AGBL1: variants seen among roughly 807,000 people sequenced by gnomAD.
The protein encoded by AGBL1 is cytosolic carboxypeptidase 4.
A neutral mutation model predicts 118.9 loss-of-function variants in AGBL1; 130 were observed. The observed-to-expected ratio is 1.09, with a 90% CI of 0.95 to 1.26. The LOEUF (loss-of-function observed/expected upper bound fraction) is 1.26. Among genes scored for constraint, AGBL1 ranks in the 50% most tolerant of loss-of-function variants. The pLI is 0.00. For synonymous variants in AGBL1, 555 were observed against 478.9 expected (o/e 1.16, Z -2.08); for missense variants, 1,584 against 1,298.1 (o/e 1.22, Z -3.38).
chr15:86,872,985 A>G (rs969640246), intron 22 of AGBL1, among the ~76,000 whole-genome samples: 1 of 152,196 alleles, frequency 6.6e-6, no homozygotes, highest in Admixed American at 6.5e-5. Context: ...TGTCTACCAG[A>G]CAAGTCATTT....
chr15:86,117,293 G>C (rs1345599407), intron 1 of AGBL1, among the ~76,000 whole-genome samples: 1 of 152,060 alleles, frequency 6.6e-6, no homozygotes, highest in Non-Finnish European at 1.5e-5. Context: ...GGGAGAAACC[G>C]GCAGTCTGCT....
chr15:86,132,695 A>G (rs998883913), intron 1 of AGBL1, among the ~76,000 whole-genome samples: 1 of 152,200 alleles, frequency 6.6e-6, no homozygotes, highest in Non-Finnish European at 1.5e-5. Context: ...CATTATTATG[A>G]TGACCGGAGA....
chr15:86,708,892 A>G (rs1331443674), intron 22 of AGBL1, among the ~76,000 whole-genome samples: 1 of 152,106 alleles, frequency 6.6e-6, no homozygotes, highest in Non-Finnish European at 1.5e-5. Context: ...GTCCTAAATC[A>G]TCCATTTTGT....
At chr15:86,636,715 A>G (rs2142453953) in intron 21 of AGBL1, among the ~76,000 whole-genome samples, 1 of 21,570 alleles carries the variant, frequency 4.6e-5, no homozygotes, top group East Asian at 5.1e-3. Flanking sequence ...ATATATATAT[A>G]TATATATATA....
chr15:86,462,039 A>G (rs715922), intron 18 of AGBL1, among the ~76,000 whole-genome samples: 1 of 152,020 alleles, frequency 6.6e-6, no homozygotes, highest in African/African-American at 2.4e-5. Flanking sequence ...CTTACAAACT[A>G]TGAGTAGCTT....
chr15:86,100,716 G>A (rs969426715), intron 1 of AGBL1, among the ~76,000 whole-genome samples: 1 of 151,680 alleles, frequency 6.6e-6, no homozygotes, highest in Non-Finnish European at 1.5e-5. Context: ...TAGCTTTTTT[G>A]TTGTTGTTGT....
chr15:86,602,347 T>C (rs2084509724), intron 21 of AGBL1, among the ~76,000 whole-genome samples: 1 of 152,206 alleles, frequency 6.6e-6, no homozygotes, highest in Non-Finnish European at 1.5e-5. Context: ...CATTGAGAGA[T>C]TAACTACTCA....
chr15:86,348,481 G>T (rs1469601532), intron 17 of AGBL1, among the ~76,000 whole-genome samples: 1 of 152,166 alleles, frequency 6.6e-6, no homozygotes, highest in African/African-American at 2.4e-5. Context: ...ACCACTGGTG[G>T]TAAGAATAGG....
At chr15:86,933,760 C>G (rs920930509) in intron 23 of AGBL1, among the ~76,000 whole-genome samples, 5 of 152,198 alleles carry the variant, frequency 3.3e-5, no homozygotes, top group Admixed American at 6.5e-5. Context: ...ATTCTAACCA[C>G]TAAGTCTTCT....
intron 23 of AGBL1, among the ~76,000 whole-genome samples, chr15:86,969,513 A>T (rs2141700563): frequency 6.6e-6 from 1 of 151,956 alleles, no homozygotes; most frequent in East Asian, 1.9e-4. Flanking sequence ...ACCTTTATGT[A>T]TGCACATACG....
At chr15:86,412,034 C>T (rs2081627824) in intron 18 of AGBL1, among the ~76,000 whole-genome samples, 1 of 152,166 alleles carries the variant, frequency 6.6e-6, no homozygotes, top group South Asian at 2.1e-4. Context: ...CCCAAGGAAT[C>T]CCTTGAAAAA....
intron 18 of AGBL1, among the ~76,000 whole-genome samples, chr15:86,509,976 T>C (rs12911652): frequency 0.44 from 65,088 of 148,516 alleles, 15,188 homozygotes; most frequent in East Asian, 0.68. Context: ...ATTTCTTCTG[T>C]GGCACTGAGT....
chr15:86,970,215 A>G (rs1329065028), intron 23 of AGBL1, among the ~76,000 whole-genome samples: 1 of 151,900 alleles, frequency 6.6e-6, no homozygotes, highest in Non-Finnish European at 1.5e-5. Context: ...CCTGAATGAG[A>G]TCCCAATATA....
chr15:86,225,034 T>TG, intron 6 of AGBL1, 83 bp downstream of exon 6: 2 of 240,270 alleles, frequency 8.3e-6, no homozygotes, highest in Non-Finnish European at 1.2e-5. Context: ...TGGCTGTTTC[T>TG]TTTTTTTTTT....
At chr15:86,601,589 T>C (rs540587083) in intron 21 of AGBL1, among the ~76,000 whole-genome samples, 6 of 152,292 alleles carry the variant, frequency 3.9e-5, no homozygotes, top group African/African-American at 1.4e-4. Context: ...AGGTTCTTTC[T>C]GTTTCTGAAA....
intron 18 of AGBL1, among the ~76,000 whole-genome samples, chr15:86,485,104 C>T (rs1243466279): frequency 1.3e-5 from 2 of 152,230 alleles, no homozygotes; most frequent in East Asian, 3.9e-4. Flanking sequence ...AGTCTAAATG[C>T]CACCAGAACA....
chr15:86,344,160 G>A (rs1168641452), intron 17 of AGBL1, among the ~76,000 whole-genome samples: 1 of 152,202 alleles, frequency 6.6e-6, no homozygotes, highest in African/African-American at 2.4e-5. Context: ...GCATGGGCTG[G>A]AGGGGCATGG....
chr15:86,487,080 C>T (rs2082722640), intron 18 of AGBL1, among the ~76,000 whole-genome samples: 1 of 152,080 alleles, frequency 6.6e-6, no homozygotes, highest in Non-Finnish European at 1.5e-5. Flanking sequence ...CAGGTTCTAA[C>T]CATCCTGCCA....
At chr15:87,018,665 C>T (rs1181794551) in intron 24 of AGBL1, among the ~76,000 whole-genome samples, 2 of 151,882 alleles carry the variant, frequency 1.3e-5, no homozygotes, top group Non-Finnish European at 2.9e-5. Context: ...TACAAAAGCA[C>T]ACTGAAGTAC....
Sources: gnomAD v4.1 joint callset for allele counts (sites outside exome capture counted in the v4.1 genomes callset) on GRCh38, gnomAD v4.1.1 for gene constraint, MANE v1.5 for transcripts, NCBI Gene and HGNC (gene_info 2026-07-23, HGNC 2026-07-21) for gene names.